AGBL4: variants seen among roughly 807,000 people sequenced by gnomAD.
The protein encoded by AGBL4 is cytosolic carboxypeptidase 6.
In AGBL4, 58 loss-of-function variants were observed where a neutral mutation model predicts 66.4. That is an observed-to-expected ratio of 0.87 (90% CI 0.71 to 1.09). The LOEUF is 1.09. Ranked by LOEUF, AGBL4 falls within the 50% of genes least tolerant of loss-of-function variation. The pLI, the probability that AGBL4 is intolerant of heterozygous loss-of-function variation, is 0.00. For synonymous variants in AGBL4, 234 were observed against 222.9 expected (o/e 1.05, Z -0.44); for missense variants, 579 against 631.0 (o/e 0.92, Z 0.88).
At chr1:49,035,334 A>G (rs146535165) in intron 5 of AGBL4, among the ~76,000 whole-genome samples, 24 of 152,256 alleles carry the variant, frequency 1.6e-4, no homozygotes, top group African/African-American at 5.1e-4. Flanking sequence ...GCAGAAGGAG[A>G]GACCAAGGCC....
At chr1:49,315,423 A>C (rs1036462063) in intron 3 of AGBL4, among the ~76,000 whole-genome samples, 1 of 152,146 alleles carries the variant, frequency 6.6e-6, no homozygotes, top group Non-Finnish European at 1.5e-5. Context: ...GAGCTTCTGC[A>C]CAGCAAAACA....
At chr1:48,536,026 A>G (rs1448257986) in intron 12 of AGBL4, among the ~76,000 whole-genome samples, 1 of 152,142 alleles carries the variant, frequency 6.6e-6, no homozygotes, top group Non-Finnish European at 1.5e-5. Context: ...AGAAGCCATG[A>G]CAATACACCA....
chr1:49,992,944 T>C (rs1019032667), intron 1 of AGBL4, among the ~76,000 whole-genome samples: 6 of 152,220 alleles, frequency 3.9e-5, no homozygotes, highest in Non-Finnish European at 5.9e-5. Context: ...TTTTTTACCA[T>C]TGGTTCTCAA....
intron 3 of AGBL4, among the ~76,000 whole-genome samples, chr1:49,346,943 G>A (rs1645643582): frequency 6.6e-6 from 1 of 152,162 alleles, no homozygotes; most frequent in African/African-American, 2.4e-5. Flanking sequence ...TAAGGGAGCA[G>A]GTTAATAATG....
intron 6 of AGBL4, among the ~76,000 whole-genome samples, chr1:48,763,010 A>G (rs1359272281): frequency 6.6e-6 from 1 of 152,164 alleles, no homozygotes; most frequent in African/African-American, 2.4e-5. Context: ...CACACTGAAC[A>G]TTCAATGGAT....
chr1:49,556,749 C>T (rs761757971), intron 3 of AGBL4, among the ~76,000 whole-genome samples: 28 of 152,084 alleles, frequency 1.8e-4, no homozygotes, highest in Admixed American at 3.9e-4. Context: ...CCTGGGGCCT[C>T]GGAGCAGGGG....
chr1:49,360,204 T>C (rs1255816715), intron 3 of AGBL4, among the ~76,000 whole-genome samples: 2 of 152,212 alleles, frequency 1.3e-5, no homozygotes, highest in African/African-American at 2.4e-5. Context: ...ACATAGGCTC[T>C]GAAGTCAGAG....
At chr1:48,816,790 G>A (rs933085395) in intron 6 of AGBL4, among the ~76,000 whole-genome samples, 1 of 152,170 alleles carries the variant, frequency 6.6e-6, no homozygotes, top group Non-Finnish European at 1.5e-5. Flanking sequence ...TGTCTGTAAA[G>A]CGTCCACAAT....
At chr1:48,653,217 C>T in intron 8 of AGBL4, 120 bp downstream of exon 8, 1 of 741,348 alleles carries the variant, frequency 1.3e-6, no homozygotes, top group East Asian at 2.9e-5. Context: ...GAAACTTTCT[C>T]TAATGAACTC....
chr1:49,784,931 G>T (rs77858944), intron 2 of AGBL4, among the ~76,000 whole-genome samples: 9,307 of 151,978 alleles, frequency 0.061, 383 homozygotes, highest in Middle Eastern at 0.092. Context: ...ACAAATCCTT[G>T]CTCTGCCAAG....
chr1:49,887,072 C>T (rs1426915668), intron 1 of AGBL4, among the ~76,000 whole-genome samples: 1 of 151,264 alleles, frequency 6.6e-6, no homozygotes, highest in Non-Finnish European at 1.5e-5. Context: ...CTTAGGATAT[C>T]CTTCAAGGAG....
At chr1:49,973,750 A>T (rs559196295) in intron 1 of AGBL4, among the ~76,000 whole-genome samples, 4 of 149,872 alleles carry the variant, frequency 2.7e-5, no homozygotes, top group African/African-American at 9.7e-5. Context: ...CTATACAATC[A>T]TTTACATTTA....
At position 48,815,029 on chromosome 1, in the gene AGBL4, G is replaced by C. The variant is rs150618347; in HGVS notation, c.634+52162C>G. ...TTACATTCCCATCAACGGTGTATAAGAGTTCCCTTTTCTCCACATCCTTTC... is the reference window on the plus strand; with the variant it reads ...TTACATTCCCATCAACGGTGTATAACAGTTCCCTTTTCTCCACATCCTTTC... On this transcript the variant is annotated intron_variant, in intron 6 of 13. Transcript: ENST00000371839. Among the ~76,000 whole-genome samples the C allele has an allele frequency of 1.5e-3, 228 of 152,252 alleles. 1 individual carries two copies. The South Asian group carries it at 0.016, about 11-fold the overall frequency.
intron 6 of AGBL4, among the ~76,000 whole-genome samples, chr1:48,815,426 T>G (rs951980478): frequency 2.0e-5 from 3 of 152,132 alleles, no homozygotes; most frequent in Admixed American, 2.0e-4. Flanking sequence ...TAATGGCCAT[T>G]TGTAGAACAG....
At chr1:49,235,220 C>T (rs911519559) in intron 4 of AGBL4, among the ~76,000 whole-genome samples, 23 of 152,268 alleles carry the variant, frequency 1.5e-4, no homozygotes, top group Admixed American at 7.2e-4. Flanking sequence ...CAGCACCACG[C>T]CCCACAAATA....
At chr1:49,284,309 G>T (rs1469043697) in intron 3 of AGBL4, among the ~76,000 whole-genome samples, 1 of 151,982 alleles carries the variant, frequency 6.6e-6, no homozygotes, top group East Asian at 1.9e-4. Flanking sequence ...ATACTTTACA[G>T]ACAAGCAAAT....
intron 1 of AGBL4, among the ~76,000 whole-genome samples, chr1:49,944,467 ACTACAG>A (rs1655038797): frequency 6.6e-6 from 1 of 152,088 alleles, no homozygotes; most frequent in Non-Finnish European, 1.5e-5. Context: ...AATAACAATC[ACTACAG>A]CTCAGGCCTC....
intron 4 of AGBL4, among the ~76,000 whole-genome samples, chr1:49,114,112 A>G (rs541410896): frequency 3.0e-4 from 46 of 152,350 alleles, no homozygotes; most frequent in African/African-American, 1.0e-3. Flanking sequence ...TGAAAGTCCT[A>G]TATGACATCT....
chr1:48,898,782 C>T (rs1440094867), intron 5 of AGBL4, among the ~76,000 whole-genome samples: 1 of 152,046 alleles, frequency 6.6e-6, no homozygotes, highest in Non-Finnish European at 1.5e-5. Flanking sequence ...GGGGCTTTTA[C>T]GGTTCCATAT....
Sources: gnomAD v4.1 joint callset for allele counts (sites outside exome capture counted in the v4.1 genomes callset) on GRCh38, gnomAD v4.1.1 for gene constraint, MANE v1.5 for transcripts, NCBI Gene and HGNC (gene_info 2026-07-23, HGNC 2026-07-21) for gene names.